Variants in C17orf99 observed in about 807,000 individuals in gnomAD.
C17orf99 encodes chromosome 17 open reading frame 99.
In C17orf99, 18 loss-of-function variants were observed where a neutral mutation model predicts 22.6. That is an observed-to-expected ratio of 0.80 (90% CI 0.55 to 1.18). The LOEUF is 1.18. Ranked by LOEUF, C17orf99 falls within the 50% of genes most tolerant of loss-of-function variation. The pLI is 0.00. For missense variants in C17orf99, 328 were observed against 342.7 expected (o/e 0.96, Z 0.34); for synonymous variants, 147 against 136.6 (o/e 1.08, Z -0.53).
chr17:78,149,026 G>A (rs1323922350), intron 2 of C17orf99, among the ~76,000 whole-genome samples: 3 of 151,944 alleles, frequency 2.0e-5, no homozygotes. Context: ...GATGGGATGA[G>A]GACAGCCATG....
At chr17:78,164,634 A>G (rs2075604635) in intron 4 of C17orf99, 1 of 1,489,204 alleles carries the variant, frequency 6.7e-7, no homozygotes, top group Non-Finnish European at 9.0e-7. Flanking sequence ...CATCACCTCC[A>G]GGATGCTGGG....
At position 78,164,462 on chromosome 17, in the gene C17orf99, C is replaced by T. The variant is rs1426430249; in HGVS notation, c.640+98C>T. The T allele has an allele frequency of 2.6e-6, 4 of 1,547,316 alleles. No individual in the cohort carries two copies. The South Asian group carries it at 4.8e-5, about 18-fold the overall frequency. ...CAGGTCGATGGGAAGTGGGACAGCT[C>T]TACCCGGCCACTGCTGAGAGCAGAG... On this transcript the variant is annotated intron_variant, in intron 4 of 4. Transcript: ENST00000340363.
Position 78,164,282 on chromosome 17 carries a change from G to A in C17orf99, c.558G>A (p.Pro186=), listed in dbSNP as rs745880903. Residue 186 remains proline, a synonymous_variant, in exon 4 of 5, where the codon CCG becomes CCA. Transcript: ENST00000340363. The part of the protein sequence containing the change: ...HRQPANFSFL[P]SQTSDWFWCQ... ...AGCCTGCCAACTTCTCCTTCCTGCCGAGCCAGACATCGGACTGGTTCTGGT... is the reference window on the plus strand; with the variant it reads ...AGCCTGCCAACTTCTCCTTCCTGCCAAGCCAGACATCGGACTGGTTCTGGT... The A allele has an allele frequency of 3.7e-5, 57 of 1,551,468 alleles. No individual in the cohort carries two copies. Among genetic ancestry groups the A allele is most frequent in the Admixed American group, 9.8e-5 (5 of 50,990 alleles).
chr17:78,165,661 G>T, intron 4 of C17orf99: 1 of 882,498 alleles, frequency 1.1e-6, no homozygotes. Flanking sequence ...AATTAGCCGG[G>T]CGTGGTGGTG....
intron 3 of C17orf99, among the ~76,000 whole-genome samples, 169 bp downstream of exon 3, chr17:78,161,423 C>CT (rs2075575857): frequency 6.6e-6 from 1 of 152,172 alleles, no homozygotes; most frequent in Non-Finnish European, 1.5e-5. Flanking sequence ...CCCTTGGGGC[C>CT]TTTAATCAGG....
chr17:78,161,862 GA>G (rs567296977), intron 3 of C17orf99, among the ~76,000 whole-genome samples: 482 of 151,188 alleles, frequency 3.2e-3, no homozygotes, highest in Non-Finnish European at 5.5e-3. Flanking sequence ...AAAAAGAAAC[GA>G]AAAAAAAGTT....
Position 78,161,052 on chromosome 17 carries a change from G to A in C17orf99, c.168G>A (p.Pro56=), listed in dbSNP as rs751730773. The A allele has an allele frequency of 2.3e-5, 35 of 1,551,524 alleles. 1 individual carries two copies. In the South Asian group the frequency reaches 2.9e-4, roughly 13 times the overall value. Residue 56 remains proline, a synonymous_variant, in exon 3 of 5, where the codon CCG becomes CCA. Transcript: ENST00000340363. The part of the protein sequence containing the change: ...LITCCAPQPP[P]PITYSLCGTK... ...CCTGCTGTGCACCCCAGCCACCACC[G>A]CCCATCACCTATTCCCTCTGTGGAA... is the stretch of plus-strand genomic sequence containing the variant.
intron 3 of C17orf99, among the ~76,000 whole-genome samples, chr17:78,162,718 G>A (rs1229011202): frequency 6.6e-6 from 1 of 152,162 alleles, no homozygotes; most frequent in Non-Finnish European, 1.5e-5. Context: ...GCCAAGGTGG[G>A]AGAATCCTTT....
At chr17:78,146,192 A>T (rs1315995278), upstream of C17orf99, among the ~76,000 whole-genome samples, 1 of 152,004 alleles carries the variant, frequency 6.6e-6, no homozygotes, top group Non-Finnish European at 1.5e-5. This position sits in a 1 kb window ranked among gnomAD's most constrained non-coding sequence, Gnocchi z 5.2. Flanking sequence ...AACTCCTTCC[A>T]CTTCTCTGGG....
At chr17:78,162,392 A>G (rs1049518076) in intron 3 of C17orf99, among the ~76,000 whole-genome samples, 1 of 151,766 alleles carries the variant, frequency 6.6e-6, no homozygotes, top group African/African-American at 2.4e-5. Flanking sequence ...CCATCCTGAT[A>G]GTAACTCAGG....
rs77050946 is a variant in C17orf99, at chr17:78,164,790, C to T, written c.640+426C>T. Reference sequence around the variant, plus strand: ...GCAGGGCTGTGGCCAGGGCAAAGAGCGGCCATCACCGCTTACGCATGACTC... The same window carrying T: ...GCAGGGCTGTGGCCAGGGCAAAGAGTGGCCATCACCGCTTACGCATGACTC... On this transcript the variant is annotated intron_variant, in intron 4 of 4. Coordinates refer to ENST00000340363, the MANE Select transcript of C17orf99 (RefSeq NM_001163075.2). 1.4e-3 allele frequency: 1,747 copies of T among 1,258,460 alleles called. 5 individuals carry two copies. Among genetic ancestry groups the T allele is most frequent in the Middle Eastern group, 9.7e-3 (29 of 3,002 alleles). The allele number at this position is 1,258,460 out of a possible 1,614,324, so 78.0% of individuals were successfully genotyped here.
At chr17:78,164,412 C>G in intron 4 of C17orf99, 48 bp downstream of exon 4, 2 of 1,550,812 alleles carry the variant, frequency 1.3e-6, no homozygotes, top group Non-Finnish European at 1.7e-6. Context: ...GCTTCTGTGC[C>G]GGGAGGGTGC....
chr17:78,147,893 C>T (rs927429175), intron 2 of C17orf99, among the ~76,000 whole-genome samples: 3 of 152,156 alleles, frequency 2.0e-5, no homozygotes, highest in African/African-American at 7.2e-5. Context: ...GGCTGGCTCC[C>T]GACTTCTCTG....
chr17:78,162,986 T>C (rs753874032), intron 3 of C17orf99, among the ~76,000 whole-genome samples: 29 of 152,342 alleles, frequency 1.9e-4, no homozygotes, highest in Non-Finnish European at 3.4e-4. Flanking sequence ...GGTTTCACCA[T>C]GTTGGCCAGG....
chr17:78,148,208 C>A (rs1399021353), intron 2 of C17orf99, among the ~76,000 whole-genome samples: 1 of 144,942 alleles, frequency 6.9e-6, no homozygotes, highest in Non-Finnish European at 1.5e-5. Flanking sequence ...CACAGTGAGA[C>A]CCCCATCTCT....
intron 2 of C17orf99, among the ~76,000 whole-genome samples, chr17:78,149,944 C>T (rs934921209): frequency 4.0e-5 from 6 of 151,844 alleles, no homozygotes; most frequent in South Asian, 2.1e-4. Context: ...CGCTTGACCT[C>T]GTGATCTGCC....
At chr17:78,159,788 G>C (rs1481246801) in intron 2 of C17orf99, among the ~76,000 whole-genome samples, 1 of 151,980 alleles carries the variant, frequency 6.6e-6, no homozygotes, top group East Asian at 1.9e-4. Flanking sequence ...GGGTTCTCCT[G>C]TTCTGAACTT....
chr17:78,154,347 G>T (rs922798706), intron 2 of C17orf99, among the ~76,000 whole-genome samples: 1 of 151,706 alleles, frequency 6.6e-6, no homozygotes, highest in Non-Finnish European at 1.5e-5. Flanking sequence ...TCAGGAGTTC[G>T]AAACCAGTCT....
In C17orf99 at chr17:78,165,947, G is replaced by T; in HGVS notation, c.699G>T (p.Leu233Phe). Residue 233 changes from leucine (L) to phenylalanine (F), a missense_variant, in exon 5 of 5, where the codon TTG becomes TTT. By Grantham distance (22) the Leu-to-Phe change is conservative. Transcript: ENST00000340363. ...CCCTGGAGAGCCCCATCCTTGCCTT[G>T]CCGCTCTACAGGAGCACCCGCCGTC... is the stretch of plus-strand genomic sequence containing the variant. The part of the protein sequence containing the change: ...QGPLESPILA[L>F]PLYRSTRRLS... 6.7e-7 allele frequency: 1 copy of T among 1,485,958 alleles called. No homozygotes were observed. The highest frequency in any genetic ancestry group is 9.0e-7 in the Non-Finnish European group (1 of 1,106,238). The allele number at this position is 1,485,958 out of a possible 1,614,324, so 92.0% of individuals were successfully genotyped here. A position where few individuals can be genotyped will look rare whatever the true frequency, so the allele number is the denominator to read the frequency against.
Sources: allele counts gnomAD v4.1 joint callset (sites outside exome capture counted in the v4.1 genomes callset), GRCh38; gene constraint gnomAD v4.1.1; non-coding constraint Gnocchi (gnomAD v3.1); transcripts MANE v1.5; gene names NCBI Gene and HGNC (gene_info 2026-07-23, HGNC 2026-07-21).